Variants in FAM20A observed in about 807,000 individuals in gnomAD.
The protein encoded by FAM20A is pseudokinase FAM20A.
FAM20A carries 42 observed loss-of-function variants against 52.0 expected under a neutral mutation model. That is an observed-to-expected ratio of 0.81 (90% CI 0.63 to 1.04). The LOEUF (loss-of-function observed/expected upper bound fraction) is 1.04, where lower values mean the gene tolerates loss of function less well. Among genes scored for constraint, FAM20A ranks in the 50% least tolerant of loss-of-function variants. The pLI, the probability that FAM20A is intolerant of heterozygous loss-of-function variation, is 0.00. For missense variants in FAM20A, 742 were observed against 712.7 expected, an observed-to-expected ratio of 1.04 and a Z score of -0.47; for synonymous variants, 304 against 298.9, an observed-to-expected ratio of 1.02 and a Z score of -0.18.
At chr17:68,599,638 C>T (rs150654697) in intron 1 of FAM20A, among the ~76,000 whole-genome samples, 5 of 152,248 alleles carry the variant, frequency 3.3e-5, no homozygotes, top group Non-Finnish European at 7.4e-5. Flanking sequence ...GGGCCCAAGC[C>T]GCGTTTTAAA....
At chr17:68,590,576 C>T (rs548731139) in intron 1 of FAM20A, among the ~76,000 whole-genome samples, 12 of 152,200 alleles carry the variant, frequency 7.9e-5, no homozygotes, top group Admixed American at 7.9e-4. Context: ...ATAAAGATTC[C>T]TATTTCCTTG....
chr17:68,592,028 A>G (rs2143919013), intron 1 of FAM20A: 1 of 152,330 alleles, frequency 6.6e-6, no homozygotes, highest in Non-Finnish European at 1.5e-5. Context: ...AAATGAACAT[A>G]TGCACTGGAT....
At position 68,546,829 on chromosome 17, in the gene FAM20A, CAAAAA is replaced by C. The variant is rs35112614; in HGVS notation, c.720-3113_720-3109del. The stretch of plus-strand genomic sequence containing the variant: ...TGGGCGAGAGTGCGAGACTACGGCT[CAAAAA>C]AAAAAAAAAAAAAAAGGTAAGACTT... On this transcript the variant is annotated intron_variant, in intron 4 of 10. Coordinates refer to ENST00000592554, the MANE Select transcript of FAM20A (RefSeq NM_017565.4). 3.6e-5 allele frequency among the ~76,000 whole-genome samples: 3 copies of C among 84,008 alleles called. No homozygotes were observed. In the East Asian group the frequency reaches 9.4e-4, roughly 26 times the overall value. The allele number at this position is 84,008 out of a possible 152,430, so 55.1% of individuals were successfully genotyped here. A position where few individuals can be genotyped will look rare whatever the true frequency, so the allele number is the denominator to read the frequency against.
At chr17:68,575,656 ATATTTTATATT>A (rs1317457341) in intron 1 of FAM20A, among the ~76,000 whole-genome samples, 9 of 113,596 alleles carry the variant, frequency 7.9e-5, no homozygotes, top group African/African-American at 3.1e-4. Flanking sequence ...TATTTTATAT[ATATTTTATATT>A]TATATATTAT....
chr17:68,600,817 C>T lies in FAM20A; in HGVS notation c.-151G>A. ...AATGCTCCCCGCGCGGGCTAGTCCC[C>T]TGTGGAGGGGTGTCGCTCCTCAACT... is the stretch of plus-strand genomic sequence containing the variant. On this transcript the variant is annotated 5_prime_UTR_variant, in exon 1 of 11. Transcript: ENST00000592554. The surrounding 1 kb of genome is among the most constrained non-coding windows in gnomAD (Gnocchi z 6.2). The T allele has an allele frequency of 1.3e-6, 1 of 793,000 alleles. No homozygotes were observed. The highest frequency in any genetic ancestry group is 2.9e-5 in the East Asian group (1 of 33,928). The allele number at this position is 793,000 out of a possible 1,614,324, so 49.1% of individuals were successfully genotyped here.
At chr17:68,598,343 A>C (rs1264790881) in intron 1 of FAM20A, among the ~76,000 whole-genome samples, 2 of 152,162 alleles carry the variant, frequency 1.3e-5, no homozygotes, top group Non-Finnish European at 2.9e-5. Flanking sequence ...GTAACAACAC[A>C]TCTGCTTATT....
Position 68,546,204 on chromosome 17 carries a change from T to C in FAM20A, c.720-2483A>G, listed in dbSNP as rs181366135. On this transcript the variant is annotated intron_variant, in intron 4 of 10. Transcript: ENST00000592554. ...AAAAAAAAAAAAAAAAAGCAGCAACTCTATCTGTTCAAGTTTGATCATGCA... is the reference window on the plus strand; with the variant it reads ...AAAAAAAAAAAAAAAAAGCAGCAACCCTATCTGTTCAAGTTTGATCATGCA... Among the ~76,000 whole-genome samples the C allele has an allele frequency of 3.4e-4, 50 of 145,594 alleles. 1 individual carries two copies. The highest frequency in any genetic ancestry group is 1.2e-3 in the African/African-American group (48 of 38,870).
intron 1 of FAM20A, among the ~76,000 whole-genome samples, chr17:68,574,323 G>A (rs1022831800): frequency 3.3e-5 from 5 of 152,182 alleles, no homozygotes; most frequent in Admixed American, 2.0e-4. Context: ...AGAGTTCTGA[G>A]GTGGTGCAGG....
At chr17:68,564,762 G>A (rs570839469) in intron 1 of FAM20A, among the ~76,000 whole-genome samples, 10 of 152,136 alleles carry the variant, frequency 6.6e-5, no homozygotes, top group Non-Finnish European at 1.0e-4. Flanking sequence ...TGGCCTAAAC[G>A]GGAGCCTGGA....
At chr17:68,580,476 C>T (rs951335626) in intron 1 of FAM20A, among the ~76,000 whole-genome samples, 3 of 152,222 alleles carry the variant, frequency 2.0e-5, no homozygotes, top group Non-Finnish European at 2.9e-5. Context: ...CTCTTGTTTC[C>T]ACTCCAGCTA....
chr17:68,545,668 A>C (rs771932739), intron 4 of FAM20A, among the ~76,000 whole-genome samples: 3 of 152,204 alleles, frequency 2.0e-5, no homozygotes, highest in Non-Finnish European at 4.4e-5. Flanking sequence ...ATGTATCTGT[A>C]GCACGCAATG....
In FAM20A at chr17:68,588,304, C is replaced by T. The variant is rs142182522; in HGVS notation, c.404+11959G>A. Among the ~76,000 whole-genome samples the T allele has an allele frequency of 4.9e-4, 75 of 152,292 alleles. 1 individual carries two copies. In the East Asian group the frequency reaches 0.013, roughly 27 times the overall value. On this transcript the variant is annotated intron_variant, in intron 1 of 10. Coordinates refer to ENST00000592554, the MANE Select transcript of FAM20A (RefSeq NM_017565.4). ...GTCACTTCTTTAAGGAAGGAAAGGCCAAGAGGCCTCTTGAGGCTGTAAGAA... is the reference window on the plus strand; with the variant it reads ...GTCACTTCTTTAAGGAAGGAAAGGCTAAGAGGCCTCTTGAGGCTGTAAGAA...
chr17:68,570,685 C>T (rs2087512771), intron 1 of FAM20A, among the ~76,000 whole-genome samples: 3 of 152,240 alleles, frequency 2.0e-5, no homozygotes, highest in Admixed American at 1.3e-4. Flanking sequence ...GAAATAACTT[C>T]TGTCCTTTCT....
In FAM20A at chr17:68,537,176, A is replaced by C. The variant is rs2086118696; in HGVS notation, c.*301T>G. 1.8e-6 allele frequency: 1 copy of C among 568,804 alleles called. No homozygotes were observed. The highest frequency in any genetic ancestry group is 1.8e-5 in the African/African-American group (1 of 54,180). 35.2% of individuals were successfully genotyped at this position (568,804 alleles called of 1,614,324 possible). A position where few individuals can be genotyped will look rare whatever the true frequency, so the allele number is the denominator to read the frequency against. On this transcript the variant is annotated 3_prime_UTR_variant, in exon 11 of 11. Transcript: ENST00000592554. The surrounding 1 kb of genome is among the most constrained non-coding windows in gnomAD (Gnocchi z 4.2). ...TTACCATTAGTACTCTCCTGGGATC[A>C]AGGCTGCCAAGCCTGACCTATACCC... is the stretch of plus-strand genomic sequence containing the variant.
rs772017261 is a variant in FAM20A, at chr17:68,537,420, C to T, written c.*57G>A. The T allele has an allele frequency of 9.9e-6, 16 of 1,610,484 alleles. No homozygotes were observed. In the Admixed American group the frequency reaches 2.7e-4, roughly 27 times the overall value. ...TGGGAGTGAGGACGCAGGGTCGGCACTCGAGTCGACTGCTCTGGCTCCAGG... is the reference window on the plus strand; with the variant it reads ...TGGGAGTGAGGACGCAGGGTCGGCATTCGAGTCGACTGCTCTGGCTCCAGG... On this transcript the variant is annotated 3_prime_UTR_variant, in exon 11 of 11. Transcript: ENST00000592554. This position sits in a 1 kb window ranked among gnomAD's most constrained non-coding sequence, Gnocchi z 4.2.
intron 1 of FAM20A, among the ~76,000 whole-genome samples, chr17:68,596,026 C>T (rs2088442061): frequency 6.6e-6 from 1 of 152,190 alleles, no homozygotes; most frequent in Non-Finnish European, 1.5e-5. Flanking sequence ...CTTCTCAAAG[C>T]ATCCCCCAGA....
intron 3 of FAM20A, among the ~76,000 whole-genome samples, chr17:68,554,097 C>CAT (rs908896379): frequency 3.4e-5 from 5 of 146,342 alleles, no homozygotes; most frequent in South Asian, 4.2e-4. Context: ...TATATACACA[C>CAT]ATATATATAC....
chr17:68,580,349 C>T (rs67844728), intron 1 of FAM20A, among the ~76,000 whole-genome samples: 26,164 of 151,762 alleles, frequency 0.17, 2,461 homozygotes, highest in East Asian at 0.34. Context: ...GAGATTTTTG[C>T]GAAATGGGCT....
intron 4 of FAM20A, among the ~76,000 whole-genome samples, chr17:68,550,395 TTA>T (rs1491477202): frequency 7.1e-5 from 10 of 139,972 alleles, no homozygotes; most frequent in African/African-American, 2.1e-4. Flanking sequence ...TTTTTTTTTT[TTA>T]AGATAGAGAG....
Sources: allele counts gnomAD v4.1 joint callset (sites outside exome capture counted in the v4.1 genomes callset), GRCh38; gene constraint gnomAD v4.1.1; non-coding constraint Gnocchi (gnomAD v3.1); transcripts MANE v1.5; gene names NCBI Gene and HGNC (gene_info 2026-07-23, HGNC 2026-07-21).